Variants in PTPRE observed in about 807,000 individuals in gnomAD.
PTPRE encodes the protein protein tyrosine phosphatase receptor type E.
In PTPRE, 51 loss-of-function variants were observed where a neutral mutation model predicts 102.0. That is an observed-to-expected ratio of 0.50 (90% CI 0.40 to 0.63). The LOEUF is 0.63. Among genes scored for constraint, PTPRE ranks in the 30% least tolerant of loss-of-function variants. PTPRE has a pLI of 0.00. For missense variants in PTPRE, 752 were observed against 915.1 expected, an observed-to-expected ratio of 0.82 and a Z score of 2.30; for synonymous variants, 345 against 348.2, an observed-to-expected ratio of 0.99 and a Z score of 0.10.
chr10:128,072,479 C>T (rs539838343), intron 16 of PTPRE: 3 of 322,432 alleles, frequency 9.3e-6, no homozygotes, highest in South Asian at 1.1e-4. Context: ...ATGGCAAAAC[C>T]CGTCTCTACT....
chr10:128,025,648 C>T (rs1267014247), intron 2 of PTPRE, among the ~76,000 whole-genome samples: 1 of 152,118 alleles, frequency 6.6e-6, no homozygotes, highest in African/African-American at 2.4e-5. Flanking sequence ...CATTCTTCAT[C>T]CCCCCAGGAA....
chr10:128,007,258 C>A (rs1007922905), intron 2 of PTPRE, among the ~76,000 whole-genome samples: 2 of 152,118 alleles, frequency 1.3e-5, no homozygotes, highest in South Asian at 2.1e-4. Context: ...TTTTCATAAA[C>A]CTTTTGGCTA....
chr10:128,084,854 C>G lies in PTPRE; in HGVS notation c.*1948C>G. 5.8e-6 allele frequency: 1 copy of G among 172,112 alleles called. No individual in the cohort carries two copies. The highest frequency in any genetic ancestry group is 1.3e-5 in the Non-Finnish European group (1 of 78,496). The allele number at this position is 172,112 out of a possible 1,614,324, so 10.7% of individuals were successfully genotyped here. A position where few individuals can be genotyped will look rare whatever the true frequency, so the allele number is the denominator to read the frequency against. ...AGAGTTCGAAGTCAAAGTCGAGGGG[C>G]ACCGGCTTTGGTTCATGTCTAGGAG... On this transcript the variant is annotated 3_prime_UTR_variant, in exon 21 of 21. Transcript: ENST00000254667.
chr10:128,035,137 C>T (rs796651537), intron 2 of PTPRE, among the ~76,000 whole-genome samples: 2 of 152,150 alleles, frequency 1.3e-5, no homozygotes, highest in African/African-American at 2.4e-5. Flanking sequence ...CACCCATCAC[C>T]GCGCCCAGCT....
Position 127,984,309 on chromosome 10 carries a change from G to A in PTPRE, c.-8+2013G>A, listed in dbSNP as rs1034173506. On this transcript the variant is annotated intron_variant, in intron 2 of 20. Transcript: ENST00000254667. ...TTGGTCAGGCTGGTCTCGAACTCCCGACCTCAGGTGATCTGCCCACCTCAG... is the reference window on the plus strand; with the variant it reads ...TTGGTCAGGCTGGTCTCGAACTCCCAACCTCAGGTGATCTGCCCACCTCAG... Among the ~76,000 whole-genome samples, 5 of 151,904 alleles carry A rather than the reference G, an allele frequency of 3.3e-5. No individual in the cohort carries two copies. In the East Asian group the frequency reaches 7.7e-4, roughly 24 times the overall value.
chr10:128,064,403 G>A (rs547662829), intron 10 of PTPRE, among the ~76,000 whole-genome samples: 30 of 152,342 alleles, frequency 2.0e-4, no homozygotes, highest in African/African-American at 7.0e-4. Context: ...TGGGGAAGAG[G>A]GAAGAGTGAC....
chr10:128,080,148 G>T (rs940555025), intron 20 of PTPRE, among the ~76,000 whole-genome samples: 1 of 152,154 alleles, frequency 6.6e-6, no homozygotes, highest in Non-Finnish European at 1.5e-5. Flanking sequence ...TCAAGATACC[G>T]TCCACGGGCT....
chr10:127,953,575 G>A (rs1309912062), intron 1 of PTPRE, among the ~76,000 whole-genome samples: 1 of 152,202 alleles, frequency 6.6e-6, no homozygotes, highest in East Asian at 1.9e-4. Context: ...GCCAGAAAAG[G>A]TCCTGGAGGC....
rs953911082 is a variant in PTPRE at position 128,073,534 on chromosome 10, G to A, written c.1599+63G>A. On this transcript the variant is annotated intron_variant, in intron 17 of 20. Transcript: ENST00000254667. ...CCTGTGCACCTGAGGCACTGTCCCCGTTCATTACAAATGTCCCACCTGCCA... is the reference window on the plus strand; with the variant it reads ...CCTGTGCACCTGAGGCACTGTCCCCATTCATTACAAATGTCCCACCTGCCA... 4.4e-5 allele frequency: 68 copies of A among 1,549,004 alleles called. No individual in the cohort carries two copies. In the African/African-American group the frequency reaches 6.8e-4, roughly 15 times the overall value.
intron 1 of PTPRE, among the ~76,000 whole-genome samples, chr10:127,957,165 A>G (rs953708738): frequency 3.3e-5 from 5 of 152,080 alleles, no homozygotes; most frequent in African/African-American, 1.2e-4. Flanking sequence ...AAGGTCATCT[A>G]GATTTTTTTC....
rs76797739 is a variant in PTPRE at position 127,996,369 on chromosome 10, G to A, written c.-8+14073G>A. 6.6e-3 allele frequency among the ~76,000 whole-genome samples: 1,001 copies of A among 152,332 alleles called. 14 individuals are homozygous for A. Among genetic ancestry groups the A allele is most frequent in the Non-Finnish European group, 0.01 (693 of 68,040 alleles). ...AAACACCTAAGAGAGGGTTTGGGAC[G>A]TGAGTGGTTGCGTGTTGCACACCAG... On this transcript the variant is annotated intron_variant, in intron 2 of 20. Transcript: ENST00000254667.
At chr10:128,018,847 C>G (rs1845637172) in intron 2 of PTPRE, among the ~76,000 whole-genome samples, 2 of 151,352 alleles carry the variant, frequency 1.3e-5, no homozygotes, top group Non-Finnish European at 3.0e-5. Flanking sequence ...CTCTCACACT[C>G]TCTGCATCTC....
Position 127,984,300 on chromosome 10 carries a change from C to T in PTPRE, c.-8+2004C>T, listed in dbSNP as rs1021317212. Among the ~76,000 whole-genome samples the T allele has an allele frequency of 6.6e-5, 10 of 152,028 alleles. No individual in the cohort carries two copies. In the East Asian group the frequency reaches 7.8e-4, roughly 12 times the overall value. Reference sequence around the variant, plus strand: ...TTCTGCATATTGGTCAGGCTGGTCTCGAACTCCCGACCTCAGGTGATCTGC... The same window carrying T: ...TTCTGCATATTGGTCAGGCTGGTCTTGAACTCCCGACCTCAGGTGATCTGC... On this transcript the variant is annotated intron_variant, in intron 2 of 20. Transcript: ENST00000254667.
At chr10:128,051,248 C>T (rs1221958809) in intron 6 of PTPRE, among the ~76,000 whole-genome samples, 1 of 152,190 alleles carries the variant, frequency 6.6e-6, no homozygotes, top group Non-Finnish European at 1.5e-5. Context: ...GGGGCCACTC[C>T]CAGGGAGGGA....
chr10:128,047,783 G>A lies in PTPRE; in HGVS notation c.229G>A (p.Ala77Thr). ...YFFRFRKQRKAVVSTSDKKMP... is the reference protein window; with the variant it reads ...YFFRFRKQRKTVVSTSDKKMP... ...TCTAAGGTTCAGGAAGCAGAGGAAAGCTGTGGTCAGCACCAGCGACAAGAA... is the reference window on the plus strand; with the variant it reads ...TCTAAGGTTCAGGAAGCAGAGGAAAACTGTGGTCAGCACCAGCGACAAGAA... The change falls in exon 5 of 21, where the codon GCT (alanine) becomes ACT (threonine). Residue 77 changes from alanine (A) to threonine (T), a missense_variant. Ala to Thr is a moderately conservative substitution (Grantham distance 58, BLOSUM62 0). This residue lies in a region of PTPRE where 636 missense variants were observed against 824.4 expected (regional missense o/e 0.77). Transcript: ENST00000254667. The A allele has an allele frequency of 6.2e-7, 1 of 1,608,914 alleles. No homozygotes were observed. The highest frequency in any genetic ancestry group is 8.5e-7 in the Non-Finnish European group (1 of 1,175,586).
At chr10:127,930,692 C>T (rs1358644160) in intron 1 of PTPRE, among the ~76,000 whole-genome samples, 1 of 152,206 alleles carries the variant, frequency 6.6e-6, no homozygotes, top group Non-Finnish European at 1.5e-5. Flanking sequence ...AACTTCCCAA[C>T]TACTTTCTGT....
At chr10:127,918,130 G>A (rs918694953) in intron 1 of PTPRE, among the ~76,000 whole-genome samples, 6 of 152,098 alleles carry the variant, frequency 3.9e-5, no homozygotes, top group Non-Finnish European at 5.9e-5. Context: ...GAATGATCTC[G>A]AGAAGCTCCA....
intron 20 of PTPRE, among the ~76,000 whole-genome samples, chr10:128,080,615 A>G (rs1851621031): frequency 6.6e-6 from 1 of 152,122 alleles, no homozygotes; most frequent in African/African-American, 2.4e-5. Context: ...AATATATTCT[A>G]TCTTCGAGAG....
chr10:127,940,486 C>T (rs1848165377), intron 1 of PTPRE, among the ~76,000 whole-genome samples: 1 of 152,130 alleles, frequency 6.6e-6, no homozygotes, highest in Non-Finnish European at 1.5e-5. Context: ...CTCTGGGAAG[C>T]CCCCAGGGAC....
Sources: gnomAD v4.1 joint callset for allele counts (sites outside exome capture counted in the v4.1 genomes callset) on GRCh38, gnomAD v4.1.1 for gene constraint, gnomAD v4.1.1 regional missense constraint, MANE v1.5 for transcripts, NCBI Gene and HGNC (gene_info 2026-07-23, HGNC 2026-07-21) for gene names.